HDAC9: variants seen among roughly 807,000 people sequenced by gnomAD.
HDAC9 encodes the protein MEF-2 interacting transcription repressor (MITR) protein.
Under a neutral mutation model 139.4 loss-of-function variants are expected in HDAC9, and 41 were observed. The ratio of observed to expected loss-of-function variants is 0.29; its 90% CI spans 0.23 to 0.38. The LOEUF is 0.38. Ranked by LOEUF, HDAC9 falls within the 10% of genes least tolerant of loss-of-function variation. The pLI, the probability that HDAC9 is intolerant of heterozygous loss-of-function variation, is 1.00. For missense variants in HDAC9, 1,147 were observed against 1,297.0 expected (o/e 0.88, Z 1.78); for synonymous variants, 517 against 476.2 (o/e 1.09, Z -1.12).
At position 18,746,256 on chromosome 7, in the gene HDAC9, G is replaced by A. The variant is rs190326854; in HGVS notation, c.1910-2749G>A. Among the ~76,000 whole-genome samples, 55 of 152,084 alleles carry A rather than the reference G, an allele frequency of 3.6e-4. No individual in the cohort carries two copies. The Middle Eastern group carries it at 0.01, about 28-fold the overall frequency. On this transcript the variant is annotated intron_variant, in intron 13 of 25. Transcript: ENST00000686413. The stretch of plus-strand genomic sequence containing the variant: ...TCACTTTTTATTTTATGAAACTATA[G>A]TTGAAAAAAATGTTAAACAGTTCTT...
intron 1 of HDAC9, among the ~76,000 whole-genome samples, chr7:18,453,082 A>T (rs1793029342): frequency 6.6e-6 from 1 of 152,154 alleles, no homozygotes; most frequent in Admixed American, 6.6e-5. Flanking sequence ...TATTCATTGA[A>T]TGAATTTATA....
intron 2 of HDAC9, among the ~76,000 whole-genome samples, chr7:18,551,893 G>T (rs1051032440): frequency 6.6e-6 from 1 of 152,142 alleles, no homozygotes; most frequent in Non-Finnish European, 1.5e-5. Flanking sequence ...TAGGAGGCTG[G>T]ATTGAAATGT....
intron 12 of HDAC9, among the ~76,000 whole-genome samples, chr7:18,681,294 A>C (rs2129090373): frequency 6.6e-6 from 1 of 152,116 alleles, no homozygotes; most frequent in Non-Finnish European, 1.5e-5. Flanking sequence ...TGTTTTCATA[A>C]AAAAGATGGT....
intron 25 of HDAC9, among the ~76,000 whole-genome samples, chr7:18,990,378 A>T (rs562890787): frequency 6.6e-6 from 1 of 152,204 alleles, no homozygotes; most frequent in East Asian, 1.9e-4. Flanking sequence ...GGGGTCAGGG[A>T]CCCACTTGAG....
In HDAC9 at chr7:18,546,703, A is replaced by C. The variant is rs1420822547; in HGVS notation, c.23-38578A>C. Among the ~76,000 whole-genome samples the C allele has an allele frequency of 3.3e-5, 5 of 152,192 alleles. 1 individual carries two copies. The highest frequency in any genetic ancestry group is 7.3e-5 in the Non-Finnish European group (5 of 68,040). ...TTCCCTATTAATAATGTAGTGCATC[A>C]ACAAATGTAAATATATTCATAGAAA... On this transcript the variant is annotated intron_variant, in intron 2 of 25. Coordinates refer to ENST00000686413, the MANE Select transcript of HDAC9 (RefSeq NM_178425.4).
chr7:18,847,413 C>G (rs561827129), intron 21 of HDAC9, among the ~76,000 whole-genome samples: 17 of 151,550 alleles, frequency 1.1e-4, no homozygotes, highest in Non-Finnish European at 2.5e-4. Flanking sequence ...GCACATGATA[C>G]ACTGAAAAAA....
Position 18,455,693 on chromosome 7 carries a change from C to A in HDAC9, c.-41-40569C>A, listed in dbSNP as rs113888427. 7.7e-3 allele frequency among the ~76,000 whole-genome samples: 1,170 copies of A among 152,206 alleles called. 15 individuals are homozygous for A. Among genetic ancestry groups the A allele is most frequent in the African/African-American group, 0.027 (1,107 of 41,542 alleles). Reference sequence around the variant, plus strand: ...GATGTAGCCAACCATCTAATTACACCAATAGATTCACAGCACAGTTGGGTC... The same window carrying A: ...GATGTAGCCAACCATCTAATTACACAAATAGATTCACAGCACAGTTGGGTC... On this transcript the variant is annotated intron_variant, in intron 1 of 3. Coordinates refer to the HDAC9 transcript ENST00000413509.
chr7:18,875,666 A>G (rs771670950), intron 22 of HDAC9, among the ~76,000 whole-genome samples: 1 of 152,002 alleles, frequency 6.6e-6, no homozygotes, highest in Non-Finnish European at 1.5e-5. Context: ...ACAAAGACAA[A>G]CAAAGCAAAA....
chr7:18,167,192 G>T (rs1788068001), intron 2 of HDAC9, among the ~76,000 whole-genome samples: 1 of 144,808 alleles, frequency 6.9e-6, no homozygotes, highest in Non-Finnish European at 1.5e-5. Context: ...TATTGTTTTG[G>T]ATTTTTTTTT....
chr7:18,733,630 A>G (rs1408650927), intron 13 of HDAC9, among the ~76,000 whole-genome samples: 1 of 151,546 alleles, frequency 6.6e-6, no homozygotes, highest in African/African-American at 2.4e-5. Flanking sequence ...TAGAAAATAT[A>G]TTTATAAATA....
chr7:18,666,924 G>T, intron 12 of HDAC9: 1 of 995,932 alleles, frequency 1.0e-6, no homozygotes, highest in Non-Finnish European at 1.2e-6. Flanking sequence ...GCAACATCTA[G>T]AATTTAATTT....
At chr7:18,856,646 C>A (rs540704701) in intron 21 of HDAC9, among the ~76,000 whole-genome samples, 2 of 152,212 alleles carry the variant, frequency 1.3e-5, no homozygotes, top group Non-Finnish European at 2.9e-5. Context: ...TTAGTAGCTT[C>A]CCTTAATTTC....
intron 2 of HDAC9, among the ~76,000 whole-genome samples, chr7:18,553,868 A>C (rs1026334686): frequency 6.6e-6 from 1 of 152,158 alleles, no homozygotes; most frequent in Non-Finnish European, 1.5e-5. Context: ...TATAGGTGTG[A>C]TGGGAGTAAT....
chr7:18,621,222 A>C (rs1840123556), intron 6 of HDAC9, among the ~76,000 whole-genome samples: 1 of 151,772 alleles, frequency 6.6e-6, no homozygotes, highest in African/African-American at 2.4e-5. Flanking sequence ...ATATATTATT[A>C]AATGAACAAA....
chr7:18,162,618 C>G (rs1245845352), intron 2 of HDAC9: 3 of 465,230 alleles, frequency 6.4e-6, no homozygotes, highest in African/African-American at 6.0e-5. Context: ...TCAGATTGAA[C>G]TTTATGAAGT....
intron 2 of HDAC9, among the ~76,000 whole-genome samples, chr7:18,531,089 C>G (rs1808784975): frequency 6.6e-6 from 1 of 151,968 alleles, no homozygotes; most frequent in African/African-American, 2.4e-5. Context: ...TGACTTAATG[C>G]ATGGTAATAA....
chr7:18,152,450 A>G (rs925878236), intron 1 of HDAC9, among the ~76,000 whole-genome samples: 3 of 152,066 alleles, frequency 2.0e-5, no homozygotes, highest in African/African-American at 7.2e-5. Flanking sequence ...GTTCATATGC[A>G]TATGTTGTTT....
At chr7:18,313,313 A>G (rs183102152) in intron 1 of HDAC9, among the ~76,000 whole-genome samples, 48 of 152,298 alleles carry the variant, frequency 3.2e-4, no homozygotes, top group African/African-American at 1.1e-3. Context: ...TTCTGATTCA[A>G]TTATATCCAC....
chr7:18,621,301 A>G (rs893890970), intron 6 of HDAC9, among the ~76,000 whole-genome samples: 2 of 151,858 alleles, frequency 1.3e-5, no homozygotes, highest in African/African-American at 4.8e-5. Flanking sequence ...CAAAGGGAAC[A>G]TTTTAGAGTA....
Sources: gnomAD v4.1 joint callset for allele counts (sites outside exome capture counted in the v4.1 genomes callset) on GRCh38, gnomAD v4.1.1 for gene constraint, MANE v1.5 for transcripts, NCBI Gene and HGNC (gene_info 2026-07-23, HGNC 2026-07-21) for gene names.